The following VAMP7 variants were observed in gnomAD, a reference collection of about 807,000 sequenced individuals.
VAMP7 encodes the protein vesicle-associated membrane protein 7.
Under a neutral mutation model 29.6 loss-of-function variants are expected in VAMP7, and 14 were observed. The ratio of observed to expected loss-of-function variants is 0.47; its 90% CI spans 0.31 to 0.74. The LOEUF (loss-of-function observed/expected upper bound fraction) is 0.74. Among genes scored for constraint, VAMP7 ranks in the 30% least tolerant of loss-of-function variants. The pLI is 0.05. For synonymous variants in VAMP7, 95 were observed against 88.1 expected (o/e 1.08, Z -0.44); for missense variants, 223 against 262.4 (o/e 0.85, Z 1.04).
chrX:155,918,916 C>A (rs2066354225), intron 5 of VAMP7, among the ~76,000 whole-genome samples: 1 of 152,120 alleles, frequency 6.6e-6, no homozygotes, highest in South Asian at 2.1e-4. Context: ...ATCATTGCAT[C>A]CCTGGGATAA....
intron 6 of VAMP7, among the ~76,000 whole-genome samples, chrX:155,935,546 T>C (rs1480437517): frequency 6.6e-6 from 1 of 152,192 alleles, no homozygotes; most frequent in African/African-American, 2.4e-5. Context: ...GGTTTTCAGC[T>C]CCATCAGGTC....
chrX:155,912,551 CT>C (rs1456837461), intron 5 of VAMP7, among the ~76,000 whole-genome samples: 1 of 151,926 alleles, frequency 6.6e-6, no homozygotes, highest in African/African-American at 2.4e-5. Flanking sequence ...TGATGTTCCC[CT>C]CCCTGTGTCC....
intron 6 of VAMP7, among the ~76,000 whole-genome samples, chrX:155,930,138 A>C (rs966430021): frequency 6.6e-6 from 1 of 152,158 alleles, no homozygotes; most frequent in Non-Finnish European, 1.5e-5. Flanking sequence ...CCTAACAGGA[A>C]AGCTTACCCA....
intron 7 of VAMP7, among the ~76,000 whole-genome samples, chrX:155,941,353 G>T (rs2066740739): frequency 6.6e-6 from 1 of 152,008 alleles, no homozygotes; most frequent in East Asian, 1.9e-4. Flanking sequence ...GCTTTTCATT[G>T]TTTTGGTCAT....
At chrX:155,909,706 TG>T (rs2066208940) in intron 5 of VAMP7, among the ~76,000 whole-genome samples, 1 of 152,180 alleles carries the variant, frequency 6.6e-6, no homozygotes, top group Admixed American at 6.5e-5. Flanking sequence ...GGTGCCAGTA[TG>T]GTCAGGTTCT....
chrX:155,921,870 G>T (rs1377433231), intron 6 of VAMP7, among the ~76,000 whole-genome samples: 1 of 151,914 alleles, frequency 6.6e-6, no homozygotes, highest in South Asian at 2.1e-4. Flanking sequence ...GTATCTTTGT[G>T]ACTGCATTTA....
chrX:155,928,509 A>T (rs1334057259), intron 6 of VAMP7, among the ~76,000 whole-genome samples: 1 of 152,106 alleles, frequency 6.6e-6, no homozygotes, highest in Non-Finnish European at 1.5e-5. Flanking sequence ...GCTTGTGGCT[A>T]TATCATTGTA....
intron 5 of VAMP7, among the ~76,000 whole-genome samples, chrX:155,909,696 G>C (rs1463595752): frequency 6.6e-6 from 1 of 152,108 alleles, no homozygotes; most frequent in Non-Finnish European, 1.5e-5. Flanking sequence ...CCAAGATCAC[G>C]GTGCCAGTAT....
chrX:155,924,521 T>C (rs761649071), intron 6 of VAMP7, among the ~76,000 whole-genome samples: 1 of 152,186 alleles, frequency 6.6e-6, no homozygotes, highest in South Asian at 2.1e-4. Context: ...GTTCTAGATA[T>C]GTCATATAAG....
At chrX:155,939,426 C>T (rs1219228469) in intron 6 of VAMP7, among the ~76,000 whole-genome samples, 1 of 152,056 alleles carries the variant, frequency 6.6e-6, no homozygotes, top group Non-Finnish European at 1.5e-5. Flanking sequence ...TTTCCACTAG[C>T]GGGAAGAACC....
rs2065900930 is a variant in VAMP7, at chrX:155,889,412, T to C, written c.-9-46T>C. ...TGATAGTAAGTTACCTTTGAAAGAT[T>C]ATGTCAAAGAAATATTCTAAATCTG... On this transcript the variant is annotated intron_variant, in intron 1 of 7. Transcript: ENST00000286448. 3.1e-6 allele frequency: 5 copies of C among 1,588,798 alleles called. No homozygotes were observed. The Middle Eastern group carries it at 5.1e-4, about 161-fold the overall frequency.
At chrX:155,919,914 G>A (rs1368345925) in intron 6 of VAMP7, 34 bp downstream of exon 6, 3 of 1,511,254 alleles carry the variant, frequency 2.0e-6, no homozygotes, top group Non-Finnish European at 2.7e-6. Flanking sequence ...GGAGTCTGAT[G>A]TAAAGTGGAG....
intron 6 of VAMP7, among the ~76,000 whole-genome samples, chrX:155,920,196 A>G (rs762374853): frequency 4.3e-4 from 66 of 152,308 alleles, no homozygotes; most frequent in South Asian, 2.3e-3. Flanking sequence ...TCCCTTTACA[A>G]ATTTGTAAAA....
At chrX:155,930,424 C>T (rs2066531216) in intron 6 of VAMP7, among the ~76,000 whole-genome samples, 1 of 151,570 alleles carries the variant, frequency 6.6e-6, no homozygotes, top group African/African-American at 2.4e-5. Flanking sequence ...TGAAAGATCT[C>T]TAAAATCCAG....
At chrX:155,900,931 C>A (rs1166007095) in intron 5 of VAMP7, among the ~76,000 whole-genome samples, 2 of 152,022 alleles carry the variant, frequency 1.3e-5, no homozygotes, top group Non-Finnish European at 2.9e-5. Context: ...ATTTTGGACG[C>A]ATAGGTTCTT....
At chrX:155,936,494 G>C (rs780479121) in intron 6 of VAMP7, among the ~76,000 whole-genome samples, 1 of 152,210 alleles carries the variant, frequency 6.6e-6, no homozygotes, top group Non-Finnish European at 1.5e-5. Context: ...GGGACCCTCT[G>C]AGCCAGGCGC....
At chrX:155,913,447 C>T (rs2066267021) in intron 5 of VAMP7, among the ~76,000 whole-genome samples, 1 of 152,100 alleles carries the variant, frequency 6.6e-6, no homozygotes. Flanking sequence ...AATCTTTGCC[C>T]ATACCTATGT....
Position 155,898,209 on chromosome X carries a change from C to G in VAMP7, c.302C>G (p.Ala101Gly). 1 of 1,613,534 alleles carries G rather than the reference C, an allele frequency of 6.2e-7. No homozygotes were observed. Among genetic ancestry groups the G allele is most frequent in the Non-Finnish European group, 8.5e-7 (1 of 1,179,596 alleles). Residue 101 changes from alanine to glycine, a missense_variant, in exon 4 of 8, where the codon GCC becomes GGC. Coordinates refer to ENST00000286448, the MANE Select transcript of VAMP7 (RefSeq NM_005638.6). ...GSRAQTALPY[A>G]MNSEFSSVLA... is the part of the protein sequence containing the mutation. ...AGAGCACAGACAGCACTTCCATATG[C>G]CATGAATAGCGAGTTCTCAAGTGTC...
intron 5 of VAMP7, among the ~76,000 whole-genome samples, chrX:155,914,041 C>T: frequency 6.6e-6 from 1 of 152,086 alleles, no homozygotes; most frequent in East Asian, 1.9e-4. Flanking sequence ...TTTCCTTGAG[C>T]AGTGGTTTGT....
Sources: gnomAD v4.1 joint callset for allele counts (sites outside exome capture counted in the v4.1 genomes callset) on GRCh38, gnomAD v4.1.1 for gene constraint, MANE v1.5 for transcripts, NCBI Gene and HGNC (gene_info 2026-07-23, HGNC 2026-07-21) for gene names.